Variants in TXNL1 observed in about 807,000 individuals in gnomAD.
TXNL1 encodes thioredoxin-like protein 1.
A neutral mutation model predicts 35.5 loss-of-function variants in TXNL1; 14 were observed. The observed-to-expected ratio is 0.39, with a 90% CI of 0.26 to 0.62. The LOEUF is 0.62. Among genes scored for constraint, TXNL1 ranks in the 20% least tolerant of loss-of-function variants. The probability of loss-of-function intolerance (pLI) is 0.47; values close to 1 mark genes in which losing one functional copy is unlikely to be tolerated. For missense variants in TXNL1, 263 were observed against 349.7 expected, an observed-to-expected ratio of 0.75 and a Z score of 1.98; for synonymous variants, 110 against 115.5, an observed-to-expected ratio of 0.95 and a Z score of 0.31.
chr18:56,631,818 G>A (rs1175725354), intron 1 of TXNL1, among the ~76,000 whole-genome samples: 2 of 152,000 alleles, frequency 1.3e-5, no homozygotes, highest in East Asian at 3.9e-4. Flanking sequence ...TACTTGGGAG[G>A]CTGAGGCAGG....
chr18:56,638,491 G>A lies in TXNL1; in HGVS notation c.-51C>T. On this transcript the variant is annotated 5_prime_UTR_variant, in exon 1 of 8. Transcript: ENST00000217515. ...CCGCGACGCCACTGGCTTTGAAACTGAAGGAGAAGACGATCTGGGAGAGGA... is the reference window on the plus strand; with the variant it reads ...CCGCGACGCCACTGGCTTTGAAACTAAAGGAGAAGACGATCTGGGAGAGGA... The A allele has an allele frequency of 6.4e-7, 1 of 1,564,318 alleles. No individual in the cohort carries two copies. Among genetic ancestry groups the A allele is most frequent in the Non-Finnish European group, 8.7e-7 (1 of 1,146,818 alleles).
At chr18:56,612,814 A>T (rs2024019600) in intron 6 of TXNL1, among the ~76,000 whole-genome samples, 1 of 152,144 alleles carries the variant, frequency 6.6e-6, no homozygotes, top group Admixed American at 6.5e-5. Flanking sequence ...TTAATATAAC[A>T]ATTTTCTTTG....
intron 1 of TXNL1, among the ~76,000 whole-genome samples, chr18:56,635,078 A>G (rs1209952633): frequency 6.6e-6 from 1 of 152,136 alleles, no homozygotes; most frequent in African/African-American, 2.4e-5. Context: ...TGGGCAACAA[A>G]GTGAGACTTA....
At chr18:56,618,457 T>C (rs1318862034) in intron 3 of TXNL1, among the ~76,000 whole-genome samples, 1 of 152,336 alleles carries the variant, frequency 6.6e-6, no homozygotes, top group Middle Eastern at 3.4e-3. Flanking sequence ...AAAGCCTATT[T>C]CCCTCTTCTA....
At position 56,600,530 on chromosome 18, in the gene TXNL1, A is replaced by T. The variant is rs1347345266; in HGVS notation, c.*2497T>A. 6.6e-6 allele frequency: 1 copy of T among 151,304 alleles called. No individual in the cohort carries two copies. The highest frequency in any genetic ancestry group is 2.0e-4 in the East Asian group (1 of 5,126). 9.4% of individuals were successfully genotyped at this position (151,304 alleles called of 1,614,324 possible). On this transcript the variant is annotated 3_prime_UTR_variant, in exon 8 of 8. Transcript: ENST00000217515. ...CAACAGAATATTGAGACTGGGGAAC[A>T]ACGTGGGGCAGGTTTCAACTCTAAT...
At chr18:56,607,989 A>G (rs990173667) in intron 7 of TXNL1, among the ~76,000 whole-genome samples, 2 of 152,246 alleles carry the variant, frequency 1.3e-5, no homozygotes, top group African/African-American at 4.8e-5. Flanking sequence ...AACTTGAACC[A>G]TCATAAGTTG....
intron 4 of TXNL1, among the ~76,000 whole-genome samples, chr18:56,617,431 TTC>T (rs1297655316): frequency 6.1e-4 from 93 of 152,308 alleles, no homozygotes; most frequent in African/African-American, 2.1e-3. Flanking sequence ...GAAAAATAAC[TTC>T]TGTTACCGTA....
chr18:56,612,960 C>T (rs1027930379), intron 6 of TXNL1, among the ~76,000 whole-genome samples: 8 of 152,040 alleles, frequency 5.3e-5, no homozygotes, highest in African/African-American at 1.9e-4. Flanking sequence ...TCAAGTGGTC[C>T]CTCCAGAGTA....
chr18:56,606,242 C>T (rs1293090701), intron 7 of TXNL1, among the ~76,000 whole-genome samples: 16 of 151,958 alleles, frequency 1.1e-4, no homozygotes, highest in Admixed American at 1.0e-3. Context: ...CCAGGCGTAG[C>T]GGCGGGCACC....
rs2023807002 is a variant in TXNL1 at position 56,601,237 on chromosome 18, T to A, written c.*1790A>T. The A allele has an allele frequency of 6.6e-6, 1 of 152,236 alleles. No homozygotes were observed. Among genetic ancestry groups the A allele is most frequent in the South Asian group, 2.1e-4 (1 of 4,838 alleles). The allele number at this position is 152,236 out of a possible 1,614,324, so 9.4% of individuals were successfully genotyped here. A position where few individuals can be genotyped will look rare whatever the true frequency, so the allele number is the denominator to read the frequency against. On this transcript the variant is annotated 3_prime_UTR_variant, in exon 8 of 8. Coordinates refer to ENST00000217515, the MANE Select transcript of TXNL1 (RefSeq NM_004786.3). ...TTAAGTGAAACGTTATAGTTACCTATAAACGTTCATTTTTCACTATTTACA... is the reference window on the plus strand; with the variant it reads ...TTAAGTGAAACGTTATAGTTACCTAAAAACGTTCATTTTTCACTATTTACA...
rs931363809 is a variant in TXNL1 at position 56,598,789 on chromosome 18, T to C, written c.*4238A>G. 4 of 152,184 alleles carry C rather than the reference T, an allele frequency of 2.6e-5. No homozygotes were observed. Among genetic ancestry groups the C allele is most frequent in the Admixed American group, 6.5e-5 (1 of 15,274 alleles). The allele number at this position is 152,184 out of a possible 1,614,324, so 9.4% of individuals were successfully genotyped here. On this transcript the variant is annotated 3_prime_UTR_variant, in exon 8 of 8. Coordinates refer to ENST00000217515, the MANE Select transcript of TXNL1 (RefSeq NM_004786.3). ...GCATCTTCAGAACAAGTCTAAGAGA[T>C]AGATGTTCCTATTTTTACACAAGAA...
chr18:56,612,291 C>A (rs4801040), intron 6 of TXNL1, among the ~76,000 whole-genome samples: 92,906 of 151,772 alleles, frequency 0.61, 33,122 homozygotes, highest in Non-Finnish European at 0.78. Flanking sequence ...AAGTGATATT[C>A]TTTCTGATAT....
At chr18:56,611,176 T>C (rs1449076705) in intron 6 of TXNL1, 79 bp from the exon 7 acceptor site, 10 of 949,920 alleles carry the variant, frequency 1.1e-5, no homozygotes, top group Middle Eastern at 6.0e-4. Context: ...TTCCTTAAAT[T>C]AATAACATAA....
At chr18:56,637,659 C>T (rs2024477720) in intron 1 of TXNL1, among the ~76,000 whole-genome samples, 1 of 152,186 alleles carries the variant, frequency 6.6e-6, no homozygotes, top group South Asian at 2.1e-4. Context: ...CAAACTAAGA[C>T]ATCCGGCCAA....
rs2024317958 is a variant in TXNL1, at chr18:56,628,257, T to C, written c.99-1800A>G. On this transcript the variant is annotated intron_variant, in intron 1 of 7. Transcript: ENST00000217515. ...AATGCAGAGCAACTAAACTTTTATA[T>C]ACTGTGAGAGTGCAAGCTGGTATTA... Among the ~76,000 whole-genome samples, 4 of 152,164 alleles carry C rather than the reference T, an allele frequency of 2.6e-5. No individual in the cohort carries two copies. In the South Asian group the frequency reaches 8.3e-4, roughly 31 times the overall value.
rs1167638226 is a variant in TXNL1, at chr18:56,601,985, TAATA to T, written c.*1038_*1041del. The stretch of plus-strand genomic sequence containing the variant: ...ACACTGCACGTTTTGGTAGTTCAGG[TAATA>T]AATACTTGATTAAGGGTAATAATTC... On this transcript the variant is annotated 3_prime_UTR_variant, in exon 8 of 8. Transcript: ENST00000217515. 6.6e-6 allele frequency: 1 copy of T among 152,192 alleles called. No individual in the cohort carries two copies. The highest frequency in any genetic ancestry group is 1.5e-5 in the Non-Finnish European group (1 of 68,038). 9.4% of individuals were successfully genotyped at this position (152,192 alleles called of 1,614,324 possible).
At chr18:56,620,926 G>A (rs1041837072) in intron 3 of TXNL1, among the ~76,000 whole-genome samples, 1 of 152,158 alleles carries the variant, frequency 6.6e-6, no homozygotes, top group African/African-American at 2.4e-5. Context: ...TTAAAAGATG[G>A]GGAGGGAAGA....
At chr18:56,603,512 T>C (rs957876952) in intron 7 of TXNL1, among the ~76,000 whole-genome samples, 2 of 152,028 alleles carry the variant, frequency 1.3e-5, no homozygotes, top group Non-Finnish European at 2.9e-5. Flanking sequence ...TACACTGACA[T>C]GCAATGAAAA....
intron 4 of TXNL1, among the ~76,000 whole-genome samples, chr18:56,617,262 T>C (rs1360467717): frequency 6.6e-6 from 1 of 152,116 alleles, no homozygotes; most frequent in Non-Finnish European, 1.5e-5. Flanking sequence ...TAATAGTGTA[T>C]CAAAAAATAA....
Sources: allele counts gnomAD v4.1 joint callset (sites outside exome capture counted in the v4.1 genomes callset), GRCh38; gene constraint gnomAD v4.1.1; transcripts MANE v1.5; gene names NCBI Gene and HGNC (gene_info 2026-07-23, HGNC 2026-07-21).